Variants in CEP43 observed in about 807,000 individuals in gnomAD.
CEP43 encodes the protein FGFR1 oncogene partner.
CEP43 carries 36 observed loss-of-function variants against 52.6 expected under a neutral mutation model. That is an observed-to-expected ratio of 0.68 (90% confidence interval 0.52 to 0.90). The LOEUF (loss-of-function observed/expected upper bound fraction) is 0.90. CEP43 is among the 40% of genes least tolerant of loss of function. The pLI is 0.00. For synonymous variants in CEP43, 192 were observed against 172.4 expected (o/e 1.11, Z -0.89); for missense variants, 506 against 472.8 (o/e 1.07, Z -0.65).
intron 6 of CEP43, chr6:167,011,578 A>G (rs1779986722): frequency 6.6e-6 from 1 of 152,282 alleles, no homozygotes; most frequent in Admixed American, 6.5e-5. Flanking sequence ...ATGAATTGGT[A>G]GTCCCAGGCG....
Position 167,003,816 on chromosome 6 carries a change from G to A in CEP43, c.300+5G>A. The A allele has an allele frequency of 6.5e-7, 1 of 1,544,980 alleles. No homozygotes were observed. The highest frequency in any genetic ancestry group is 8.9e-7 in the Non-Finnish European group (1 of 1,120,066). Reference sequence around the variant, plus strand: ...TTTCAACCTGAAACTAGCACAGTAAGAATAATGATTTTTACATCTATCTTT... The same window carrying A: ...TTTCAACCTGAAACTAGCACAGTAAAAATAATGATTTTTACATCTATCTTT... On this transcript the variant is annotated splice_donor_5th_base_variant and intron_variant, in intron 4 of 12. Coordinates refer to ENST00000366847, the MANE Select transcript of CEP43 (RefSeq NM_007045.4).
At chr6:167,031,701 C>A (rs185384263) in intron 10 of CEP43, among the ~76,000 whole-genome samples, 41 of 152,288 alleles carry the variant, frequency 2.7e-4, no homozygotes, top group Middle Eastern at 3.4e-3. Context: ...GCTGTACATG[C>A]TTCCTGGGTC....
At chr6:167,025,004 T>C in intron 9 of CEP43, 110 bp downstream of exon 9, 1 of 656,772 alleles carries the variant, frequency 1.5e-6, no homozygotes, top group Non-Finnish European at 2.7e-6. Context: ...AAATAACCTA[T>C]CATTTTATCA....
At chr6:167,011,961 T>C (rs181057736) in intron 6 of CEP43, among the ~76,000 whole-genome samples, 79 of 152,260 alleles carry the variant, frequency 5.2e-4, no homozygotes, top group African/African-American at 1.8e-3. Context: ...AAACCTGCAG[T>C]CCATGACAGG....
chr6:167,005,813 G>A (rs1477422218), intron 5 of CEP43, among the ~76,000 whole-genome samples: 1 of 152,144 alleles, frequency 6.6e-6, no homozygotes, highest in African/African-American at 2.4e-5. Flanking sequence ...TTCCCCTCTC[G>A]GCTTCTGTGG....
chr6:167,010,782 T>C (rs1779967421), intron 5 of CEP43, 31 bp from the exon 6 acceptor site: 1 of 1,153,376 alleles, frequency 8.7e-7, no homozygotes. Flanking sequence ...TATTTTTAAA[T>C]GTATTTTAAT....
At chr6:167,023,701 G>A (rs1313185391) in intron 8 of CEP43, among the ~76,000 whole-genome samples, 1 of 152,174 alleles carries the variant, frequency 6.6e-6, no homozygotes, top group African/African-American at 2.4e-5. Context: ...CCAGAGCAGG[G>A]AGCTAGAAGC....
At chr6:167,004,966 T>C (rs1248195016) in intron 5 of CEP43, among the ~76,000 whole-genome samples, 2 of 152,236 alleles carry the variant, frequency 1.3e-5, no homozygotes, top group Non-Finnish European at 2.9e-5. Flanking sequence ...TTCATACTCT[T>C]AACCTTTTTT....
At chr6:167,033,218 C>A (rs977895180) in intron 11 of CEP43, among the ~76,000 whole-genome samples, 2 of 147,488 alleles carry the variant, frequency 1.4e-5, no homozygotes, top group African/African-American at 5.0e-5. Context: ...TCAAGCCATT[C>A]TCCTGCCTCA....
chr6:167,027,913 G>A (rs1780389150), intron 10 of CEP43: 3 of 985,666 alleles, frequency 3.0e-6, no homozygotes, highest in African/African-American at 1.7e-5. Flanking sequence ...TCCGCACAGT[G>A]CCCTGGAGTC....
Position 167,042,087 on chromosome 6 carries a change from G to T in CEP43, c.*2109G>T, listed in dbSNP as rs1284035065. 13 of 975,074 alleles carry T rather than the reference G, an allele frequency of 1.3e-5. No homozygotes were observed. Among genetic ancestry groups the T allele is most frequent in the African/African-American group, 3.5e-5 (2 of 56,696 alleles). The allele number at this position is 975,074 out of a possible 1,614,324, so 60.4% of individuals were successfully genotyped here. A position where few individuals can be genotyped will look rare whatever the true frequency, so the allele number is the denominator to read the frequency against. ...CTGCCTTAGCCTCCTAAAGTGCCGG[G>T]ATTACAGGCGTGAACCACCGCACCT... On this transcript the variant is annotated 3_prime_UTR_variant, in exon 13 of 13. Coordinates refer to ENST00000366847, the MANE Select transcript of CEP43 (RefSeq NM_007045.4).
chr6:167,002,798 G>A (rs1345390640), intron 2 of CEP43, among the ~76,000 whole-genome samples: 7 of 152,142 alleles, frequency 4.6e-5, no homozygotes, highest in African/African-American at 1.4e-4. Context: ...TGGATAAACT[G>A]GGAATTACAA....
Position 167,041,844 on chromosome 6 carries a change from G to GGGGC in CEP43, c.*1866_*1867insGGGC. The GGGGC allele has an allele frequency of 5.5e-5, 8 of 144,902 alleles. No homozygotes were observed. Among genetic ancestry groups the GGGGC allele is most frequent in the South Asian group, 2.7e-4 (1 of 3,676 alleles). 9.0% of individuals were successfully genotyped at this position (144,902 alleles called of 1,614,324 possible). A position where few individuals can be genotyped will look rare whatever the true frequency, so the allele number is the denominator to read the frequency against. On this transcript the variant is annotated 3_prime_UTR_variant, in exon 13 of 13. Coordinates refer to ENST00000366847, the MANE Select transcript of CEP43 (RefSeq NM_007045.4). Reference sequence around the variant, plus strand: ...TCTTTTTTTTGCGGGGGGCGGGGGGGACAGAGTCTCACTGTGTCACTCAGA... The same window carrying GGGGC: ...TCTTTTTTTTGCGGGGGGCGGGGGGGGGGCACAGAGTCTCACTGTGTCACTCAGA...
At chr6:167,013,414 A>G (rs562687993) in intron 6 of CEP43, 94 bp from the exon 7 acceptor site, 122 of 1,037,020 alleles carry the variant, frequency 1.2e-4, no homozygotes, top group Middle Eastern at 2.1e-4. Context: ...CTTCTGAGAC[A>G]TTTTTCAGTA....
rs1241339692 is a variant in CEP43 at position 167,049,340 on chromosome 6, C to A, written c.*9362C>A. On this transcript the variant is annotated 3_prime_UTR_variant, in exon 13 of 13. Transcript: ENST00000366847. ...TTGAAAAATTCACCCCAAAAAGAAA[C>A]CTTGTATCCATTGGCAGTAACTCCC... 2 of 152,164 alleles carry A rather than the reference C, an allele frequency of 1.3e-5. No homozygotes were observed. Among genetic ancestry groups the A allele is most frequent in the African/African-American group, 2.4e-5 (1 of 41,430 alleles). 9.4% of individuals were successfully genotyped at this position (152,164 alleles called of 1,614,324 possible).
Position 167,041,060 on chromosome 6 carries a change from T to G in CEP43, c.*1082T>G. The G allele has an allele frequency of 9.7e-7, 1 of 1,033,052 alleles. No homozygotes were observed. Among genetic ancestry groups the G allele is most frequent in the Non-Finnish European group, 1.2e-6 (1 of 858,952 alleles). The allele number at this position is 1,033,052 out of a possible 1,614,324, so 64.0% of individuals were successfully genotyped here. On this transcript the variant is annotated 3_prime_UTR_variant, in exon 13 of 13. Coordinates refer to ENST00000366847, the MANE Select transcript of CEP43 (RefSeq NM_007045.4). The stretch of plus-strand genomic sequence containing the variant: ...TGATGCATGCATATTTATATATAAG[T>G]AAAGCAGGATTGTGCTGTTTTTGCA...
rs765097409 is a variant in CEP43 at position 167,051,272 on chromosome 6, T to C, written c.*11294T>C. ...AAATAGGTGGTAATCTTTACACCTA[T>C]ATCTTAGTAGAATTCAGGCCCCTCA... On this transcript the variant is annotated 3_prime_UTR_variant, in exon 13 of 13. Coordinates refer to ENST00000366847, the MANE Select transcript of CEP43 (RefSeq NM_007045.4). 7.2e-5 allele frequency: 11 copies of C among 152,386 alleles called. No homozygotes were observed. Among genetic ancestry groups the C allele is most frequent in the Non-Finnish European group, 8.8e-5 (6 of 68,050 alleles). 9.4% of individuals were successfully genotyped at this position (152,386 alleles called of 1,614,324 possible). A position where few individuals can be genotyped will look rare whatever the true frequency, so the allele number is the denominator to read the frequency against.
At position 167,039,472 on chromosome 6, in the gene CEP43, T is replaced by A. The variant is rs144958587; in HGVS notation, c.1126-432T>A. On this transcript the variant is annotated intron_variant, in intron 12 of 12. Coordinates refer to ENST00000366847, the MANE Select transcript of CEP43 (RefSeq NM_007045.4). ...GCTGAGTAGTATTCCATGGTATGTA[T>A]ATACCACAATGTCTTTATCCAGTTG... Among the ~76,000 whole-genome samples the A allele has an allele frequency of 4.6e-3, 706 of 152,346 alleles. 11 individuals carry two copies. The highest frequency in any genetic ancestry group is 0.03 in the Admixed American group (459 of 15,298).
intron 7 of CEP43, among the ~76,000 whole-genome samples, chr6:167,016,871 A>G (rs896469440): frequency 6.6e-6 from 1 of 152,190 alleles, no homozygotes; most frequent in African/African-American, 2.4e-5. Context: ...TTTTAAATAC[A>G]GTCAGCCTCA....
Sources: allele counts gnomAD v4.1 joint callset (sites outside exome capture counted in the v4.1 genomes callset), GRCh38; gene constraint gnomAD v4.1.1; transcripts MANE v1.5; gene names NCBI Gene and HGNC (gene_info 2026-07-23, HGNC 2026-07-21).